The following LRBA variants were observed in gnomAD, a reference collection of about 807,000 sequenced individuals.
LRBA encodes the protein lipopolysaccharide-responsive and beige-like anchor protein.
LRBA carries 176 observed loss-of-function variants against 330.0 expected under a neutral mutation model. The observed-to-expected ratio is 0.53, with a 90% confidence interval of 0.47 to 0.60. LRBA has a LOEUF of 0.60. LRBA is among the 20% of genes least tolerant of loss of function. The pLI, the probability that LRBA is intolerant of heterozygous loss-of-function variation, is 0.00. For synonymous variants in LRBA, 1,230 were observed against 1,193.0 expected, an observed-to-expected ratio of 1.03 and a Z score of -0.64; for missense variants, 3,259 against 3,444.8, an observed-to-expected ratio of 0.95 and a Z score of 1.35.
At chr4:150,951,558 C>T (rs1736837479) in intron 2 of LRBA, among the ~76,000 whole-genome samples, 1 of 152,084 alleles carries the variant, frequency 6.6e-6, no homozygotes, top group Admixed American at 6.5e-5. Flanking sequence ...AATCTTACAA[C>T]TTGGCATCTT....
intron 16 of LRBA, among the ~76,000 whole-genome samples, chr4:150,894,689 C>T (rs1729869814): frequency 6.6e-6 from 1 of 152,138 alleles, no homozygotes; most frequent in Admixed American, 6.5e-5. Flanking sequence ...TGATCTGGAG[C>T]TAGGACACTG....
intron 36 of LRBA, among the ~76,000 whole-genome samples, chr4:150,685,424 T>TA (rs1783519758): frequency 5.3e-5 from 1 of 18,756 alleles, no homozygotes; most frequent in Non-Finnish European, 9.7e-5. Context: ...ATATATATTT[T>TA]TTTTTTTTTT....
chr4:150,836,635 G>A (rs944133550), intron 28 of LRBA, among the ~76,000 whole-genome samples: 10 of 152,082 alleles, frequency 6.6e-5, no homozygotes, highest in Non-Finnish European at 1.5e-4. Context: ...TGGGATTGGT[G>A]GTGATATCCC....
At chr4:150,418,769 G>T (rs545217538) in intron 46 of LRBA, among the ~76,000 whole-genome samples, 121 of 152,110 alleles carry the variant, frequency 8.0e-4, no homozygotes, top group Non-Finnish European at 1.4e-3. Flanking sequence ...AACATTTGCA[G>T]GGTCCAGAGC....
intron 37 of LRBA, among the ~76,000 whole-genome samples, chr4:150,639,373 G>GAAAAAAAAAAAAAAAAAAAAA (rs1428774639): frequency 1.4e-4 from 11 of 79,278 alleles, no homozygotes; most frequent in East Asian, 7.3e-4. Flanking sequence ...AAAAAAAAAA[G>GAAAAAAAAAAAAAAAAAAAAA]AAAAAAAAAA....
intron 46 of LRBA, among the ~76,000 whole-genome samples, chr4:150,426,214 A>T (rs1337775178): frequency 6.6e-6 from 1 of 152,004 alleles, no homozygotes; most frequent in Non-Finnish European, 1.5e-5. Flanking sequence ...TTGGTAGATA[A>T]AATGCTGTTT....
chr4:150,899,524 A>C (rs1730492867), intron 14 of LRBA, among the ~76,000 whole-genome samples: 1 of 152,146 alleles, frequency 6.6e-6, no homozygotes, highest in South Asian at 2.1e-4. Context: ...CAAAAGTTTT[A>C]TTTTGACCCC....
At chr4:150,338,123 G>C (rs1035188397) in intron 48 of LRBA, among the ~76,000 whole-genome samples, 1 of 152,082 alleles carries the variant, frequency 6.6e-6, no homozygotes, top group African/African-American at 2.4e-5. Flanking sequence ...GCATTTGGAA[G>C]GATAAATTTG....
At chr4:150,432,077 A>G (rs1302690539) in intron 46 of LRBA, among the ~76,000 whole-genome samples, 3 of 152,130 alleles carry the variant, frequency 2.0e-5, no homozygotes, top group Non-Finnish European at 2.9e-5. Context: ...GCTCCCCCTC[A>G]GCAAAAAAAC....
Position 150,604,993 on chromosome 4 carries a change from C to T in LRBA, c.5922-5862G>A, listed in dbSNP as rs181506713. On this transcript the variant is annotated intron_variant, in intron 37 of 56. Transcript: ENST00000651943. ...TTAGGAAGATGCTTGGTTGTCAAAA[C>T]ACAAGCAAAATTCAATAAAAAGAAT... Among the ~76,000 whole-genome samples, 33 of 152,240 alleles carry T rather than the reference C, an allele frequency of 2.2e-4. No homozygotes were observed. The East Asian group carries it at 6.4e-3, about 29-fold the overall frequency.
At chr4:150,832,086 C>T in intron 28 of LRBA, 110 bp from the exon 29 acceptor site, 1 of 536,200 alleles carries the variant, frequency 1.9e-6, no homozygotes, top group Non-Finnish European at 3.1e-6. Context: ...TCAATATACA[C>T]AGAAAATACA....
chr4:150,399,105 A>G (rs2151923716), intron 47 of LRBA, among the ~76,000 whole-genome samples: 1 of 152,238 alleles, frequency 6.6e-6, no homozygotes, highest in Middle Eastern at 3.4e-3. Flanking sequence ...CTATGCACAT[A>G]TTTTCTGTCT....
At chr4:150,302,111 G>A (rs540853509) in intron 53 of LRBA, among the ~76,000 whole-genome samples, 1 of 152,206 alleles carries the variant, frequency 6.6e-6, no homozygotes, top group East Asian at 1.9e-4. Context: ...AGATGTTTAA[G>A]GCTGTTGGTG....
chr4:150,584,041 G>T (rs1218735614), intron 40 of LRBA: 65 of 1,607,044 alleles, frequency 4.0e-5, no homozygotes, highest in Non-Finnish European at 5.2e-5. Context: ...CCTGGAGAGC[G>T]CTGCCAAGCA....
intron 44 of LRBA, among the ~76,000 whole-genome samples, chr4:150,443,847 TAA>T (rs376721928): frequency 3.7e-5 from 2 of 53,714 alleles, no homozygotes; most frequent in South Asian, 1.3e-3. Context: ...AAAGTATAAT[TAA>T]AAAAATATAT....
chr4:150,684,636 G>T (rs1008827538), intron 36 of LRBA, among the ~76,000 whole-genome samples: 12 of 152,046 alleles, frequency 7.9e-5, no homozygotes, highest in Non-Finnish European at 1.0e-4. Context: ...GATACTTGTG[G>T]TGTCATGTTT....
chr4:150,739,746 T>C lies in LRBA; in HGVS notation c.5646-4380A>G, dbSNP rs565462176. Among the ~76,000 whole-genome samples the C allele has an allele frequency of 9.2e-5, 14 of 152,300 alleles. No individual in the cohort carries two copies. In the South Asian group the frequency reaches 2.7e-3, roughly 29 times the overall value. On this transcript the variant is annotated intron_variant, in intron 35 of 56. Coordinates refer to ENST00000651943, the MANE Select transcript of LRBA (RefSeq NM_001364905.1). ...GAGCTGCCCTGTGTAAAGGCCTCCA[T>C]GGCAAGGAGCTGAGTAGAGCCCCAG...
intron 35 of LRBA, among the ~76,000 whole-genome samples, chr4:150,750,837 A>G (rs1733427860): frequency 6.6e-6 from 1 of 151,410 alleles, no homozygotes; most frequent in African/African-American, 2.4e-5. Flanking sequence ...TATGTGTATT[A>G]CTCTATTCTC....
At chr4:150,300,510 T>C (rs1322102788) in intron 53 of LRBA, among the ~76,000 whole-genome samples, 1 of 152,084 alleles carries the variant, frequency 6.6e-6, no homozygotes, top group African/African-American at 2.4e-5. Flanking sequence ...TTATTTGCTC[T>C]AATCATCCTG....
Sources: gnomAD v4.1 joint callset for allele counts (sites outside exome capture counted in the v4.1 genomes callset) on GRCh38, gnomAD v4.1.1 for gene constraint, MANE v1.5 for transcripts, NCBI Gene and HGNC (gene_info 2026-07-23, HGNC 2026-07-21) for gene names.